CACNA1E: variants seen among roughly 807,000 people sequenced by gnomAD.
The protein encoded by CACNA1E is voltage-dependent R-type calcium channel subunit alpha-1E.
A neutral mutation model predicts 259.2 loss-of-function variants in CACNA1E; 40 were observed. The observed-to-expected ratio is 0.15, with a 90% CI of 0.12 to 0.20. The LOEUF is 0.20. Ranked by LOEUF, CACNA1E falls within the 10% of genes least tolerant of loss-of-function variation. CACNA1E has a pLI of 1.00. For missense variants in CACNA1E, 1,874 were observed against 3,040.1 expected (o/e 0.62, Z 9.02); for synonymous variants, 1,104 against 1,138.5 (o/e 0.97, Z 0.61).
intron 6 of CACNA1E, among the ~76,000 whole-genome samples, chr1:181,593,627 C>T (rs1378717776): frequency 5.3e-5 from 8 of 152,104 alleles, no homozygotes; most frequent in South Asian, 2.1e-4. Flanking sequence ...CAACCTCCTC[C>T]GCTCGGGTTC....
intron 7 of CACNA1E, among the ~76,000 whole-genome samples, chr1:181,704,819 C>T (rs756178895): frequency 5.3e-5 from 8 of 152,030 alleles, no homozygotes; most frequent in South Asian, 4.2e-4. Flanking sequence ...AGGTCTGGAG[C>T]GAGAGGCTAA....
chr1:181,726,169 C>G lies in CACNA1E; in HGVS notation c.2240+7C>G. On this transcript the variant is annotated splice_region_variant and intron_variant, in intron 18 of 47. Coordinates refer to ENST00000367573, the MANE Select transcript of CACNA1E (RefSeq NM_001205293.3). ...CCAACATGCCTTCGATCGAGTGAGT[C>G]AGCTGCCCCCTTCACTGATCCCTGA... is the stretch of plus-strand genomic sequence containing the variant. 2.5e-6 allele frequency: 4 copies of G among 1,601,504 alleles called. No individual in the cohort carries two copies. The highest frequency in any genetic ancestry group is 3.4e-6 in the Non-Finnish European group (4 of 1,171,170).
intron 6 of CACNA1E, among the ~76,000 whole-genome samples, chr1:181,583,634 AC>A (rs1213657351): frequency 2.0e-5 from 3 of 152,006 alleles, no homozygotes; most frequent in Non-Finnish European, 4.4e-5. Flanking sequence ...CCTCCCTATG[AC>A]CTTGTGTTGC....
chr1:181,759,886 C>A (rs751744601), intron 32 of CACNA1E, among the ~76,000 whole-genome samples: 1 of 152,122 alleles, frequency 6.6e-6, no homozygotes, highest in Non-Finnish European at 1.5e-5. Flanking sequence ...GGTCTCCCAG[C>A]GGTTCTTTGA....
chr1:181,790,520 C>T lies in CACNA1E; in HGVS notation c.5862C>T (p.Pro1954=), dbSNP rs745747074. The change falls in exon 44 of 48, where the codon CCC becomes CCT. Residue 1954 remains proline, a synonymous_variant. Coordinates refer to ENST00000367573, the MANE Select transcript of CACNA1E (RefSeq NM_001205293.3). ...TATTCCAGTTGGCTTGTATGGACCC[C>T]GCCGATGACGGACAGTTCCAAGAAC... ...QDIFQLACMD[P]ADDGQFQERQ... is the part of the protein sequence containing the mutation. The T allele has an allele frequency of 2.0e-5, 32 of 1,612,800 alleles. No homozygotes were observed. In the South Asian group the frequency reaches 3.0e-4, roughly 15 times the overall value.
At chr1:181,736,779 G>T (rs1029940096) in intron 22 of CACNA1E, among the ~76,000 whole-genome samples, 2 of 152,336 alleles carry the variant, frequency 1.3e-5, no homozygotes, top group African/African-American at 4.8e-5. Context: ...TCCAGAAGTG[G>T]ATAGAGCCAA....
chr1:181,725,253 A>T (rs1466971968), intron 17 of CACNA1E, among the ~76,000 whole-genome samples: 4 of 152,228 alleles, frequency 2.6e-5, no homozygotes, highest in Non-Finnish European at 4.4e-5. Context: ...GGGTCTTCTT[A>T]TCTGCATATA....
chr1:181,359,878 C>T (rs1001448834), intron 1 of CACNA1E, among the ~76,000 whole-genome samples: 3 of 152,184 alleles, frequency 2.0e-5, no homozygotes, highest in African/African-American at 7.2e-5. Flanking sequence ...ACCTCCTTTC[C>T]TTACGATTGT....
At chr1:181,783,843 TGGCACAG>T in intron 40 of CACNA1E, 59 bp downstream of exon 40, 2 of 1,057,542 alleles carry the variant, frequency 1.9e-6, no homozygotes, top group South Asian at 2.5e-5. Context: ...CTCATGCAGG[TGGCACAG>T]GATGGAGATA....
rs1227008710 is a variant in CACNA1E, at chr1:181,510,459, T to G, written c.267-18T>G. On this transcript the variant is annotated intron_variant, in intron 1 of 47. Coordinates refer to ENST00000367573, the MANE Select transcript of CACNA1E (RefSeq NM_001205293.3). Reference sequence around the variant, plus strand: ...TGTCCCTCTCTGGTGAATTTGTTCCTTAACTCCGCTTTCCCACGCCATTTG... The same window carrying G: ...TGTCCCTCTCTGGTGAATTTGTTCCGTAACTCCGCTTTCCCACGCCATTTG... 1 of 1,589,794 alleles carries G rather than the reference T, an allele frequency of 6.3e-7. No individual in the cohort carries two copies. The highest frequency in any genetic ancestry group is 1.7e-5 in the Admixed American group (1 of 59,908).
At chr1:181,765,449 A>T (rs560686177) in intron 34 of CACNA1E, among the ~76,000 whole-genome samples, 1 of 152,300 alleles carries the variant, frequency 6.6e-6, no homozygotes, top group South Asian at 2.1e-4. Context: ...ATCAAAGTGT[A>T]GTCAACCCCC....
chr1:181,595,122 T>C (rs986088072), intron 6 of CACNA1E, among the ~76,000 whole-genome samples: 1 of 152,226 alleles, frequency 6.6e-6, no homozygotes, highest in Non-Finnish European at 1.5e-5. Context: ...TTTCAAGTGT[T>C]TTCTTGATAT....
At chr1:181,687,241 C>T (rs565804520) in intron 7 of CACNA1E, among the ~76,000 whole-genome samples, 1 of 152,268 alleles carries the variant, frequency 6.6e-6, no homozygotes, top group African/African-American at 2.4e-5. Flanking sequence ...CAAAAGTCTT[C>T]TATTGGGATT....
chr1:181,794,995 T>C lies in CACNA1E; in HGVS notation c.6159T>C (p.Ser2053=). ...SENTYKSRRR[S]YHSSLRLSAH... ...ATACCTACAAGTCCCGTCGCCGGAG[T>C]TACCACTCCTCCTTGCGGCTGTCAG... Residue 2053 remains serine, a synonymous_variant, in exon 46 of 48, where the codon AGT becomes AGC. Coordinates refer to ENST00000367573, the MANE Select transcript of CACNA1E (RefSeq NM_001205293.3). 1.2e-6 allele frequency: 2 copies of C among 1,613,912 alleles called. No homozygotes were observed. The highest frequency in any genetic ancestry group is 1.7e-6 in the Non-Finnish European group (2 of 1,179,862).
chr1:181,694,906 AC>A (rs1450147080), intron 7 of CACNA1E, among the ~76,000 whole-genome samples: 2 of 152,216 alleles, frequency 1.3e-5, no homozygotes, highest in African/African-American at 4.8e-5. Context: ...AATAAAGGGT[AC>A]ATAAATTGGA....
intron 7 of CACNA1E, among the ~76,000 whole-genome samples, chr1:181,672,284 T>C (rs1193390507): frequency 6.6e-6 from 1 of 152,108 alleles, no homozygotes; most frequent in Non-Finnish European, 1.5e-5. Flanking sequence ...AACTATTGGG[T>C]ACTAAGTTTA....
At chr1:181,409,786 A>C (rs16857259) in intron 1 of CACNA1E, among the ~76,000 whole-genome samples, 12,907 of 152,284 alleles carry the variant, frequency 0.085, 723 homozygotes, top group South Asian at 0.16. Context: ...GTTTAACAGA[A>C]ATTCTTAAAG....
At chr1:181,446,036 A>T (rs1015456220) in intron 2 of CACNA1E, among the ~76,000 whole-genome samples, 1 of 152,168 alleles carries the variant, frequency 6.6e-6, no homozygotes, top group Admixed American at 6.5e-5. Flanking sequence ...CTTGGAGCCC[A>T]CCTGACAACT....
intron 1 of CACNA1E, among the ~76,000 whole-genome samples, chr1:181,502,801 C>G (rs1365557731): frequency 6.6e-6 from 1 of 152,170 alleles, no homozygotes; most frequent in Non-Finnish European, 1.5e-5. Context: ...TGGGTTCAAG[C>G]TATTCTCCTG....
Sources: gnomAD v4.1 joint callset for allele counts (sites outside exome capture counted in the v4.1 genomes callset) on GRCh38, gnomAD v4.1.1 for gene constraint, MANE v1.5 for transcripts, NCBI Gene and HGNC (gene_info 2026-07-23, HGNC 2026-07-21) for gene names.